ATP2B3: variants seen among roughly 807,000 people sequenced by gnomAD.
The protein encoded by ATP2B3 is plasma membrane calcium-transporting ATPase 3.
In ATP2B3, 12 loss-of-function variants were observed where a neutral mutation model predicts 70.8. The observed-to-expected ratio is 0.17, with a 90% CI of 0.11 to 0.27. The LOEUF is 0.27. Among genes scored for constraint, ATP2B3 ranks in the 10% least tolerant of loss-of-function variants. ATP2B3 has a pLI of 1.00. For synonymous variants in ATP2B3, 460 were observed against 497.8 expected (o/e 0.92, Z 1.01); for missense variants, 858 against 1,118.5 (o/e 0.77, Z 3.32).
At chrX:153,576,344 T>A (rs1557021375) in intron 21 of ATP2B3, among the ~76,000 whole-genome samples, 1 of 111,087 alleles carries the variant, frequency 9.0e-6, no homozygotes, top group East Asian at 2.9e-4. Context: ...ATGTGGAAGA[T>A]GCTTTTGAGT....
At chrX:153,545,942 G>A (rs1487210499) in intron 7 of ATP2B3, 146 bp from the exon 8 acceptor site, 11 of 563,780 alleles carry the variant, frequency 2.0e-5, no homozygotes, top group Non-Finnish European at 3.3e-5. Context: ...CCGTGTGCTG[G>A]GAGGTGGTGA....
chrX:153,562,395 A>G (rs1466052907), intron 20 of ATP2B3, among the ~76,000 whole-genome samples, 153 bp downstream of exon 20: 2 of 112,286 alleles, frequency 1.8e-5, no homozygotes, highest in Non-Finnish European at 3.8e-5. Context: ...ACCCAGGGAC[A>G]GGACGCAAGG....
intron 12 of ATP2B3, among the ~76,000 whole-genome samples, chrX:153,551,481 A>G (rs1171858558): frequency 1.8e-5 from 2 of 111,551 alleles, no homozygotes; most frequent in Admixed American, 1.9e-4. Context: ...CTTATCAGCT[A>G]TGCGATTTCT....
intron 21 of ATP2B3, 130 bp downstream of exon 21, chrX:153,565,233 G>C (rs1444047328): frequency 1.2e-6 from 1 of 855,401 alleles, no homozygotes; most frequent in African/African-American, 2.1e-5. Context: ...TTGCTGCCAA[G>C]GTCACAAAAG....
At chrX:153,527,111 G>C (rs146699752) in intron 2 of ATP2B3, among the ~76,000 whole-genome samples, 2 of 112,511 alleles carry the variant, frequency 1.8e-5, no homozygotes, top group Admixed American at 1.9e-4. Flanking sequence ...TTTAGGCCCC[G>C]ACGGCTTCCG....
rs142448542 is a variant in ATP2B3, at chrX:153,559,652, C to T, written c.2626-77C>T. 1,130 of 920,538 alleles carry T rather than the reference C, an allele frequency of 1.2e-3. 11 individuals are homozygous for T. In the African/African-American group the frequency reaches 0.018, roughly 15 times the overall value. 75.9% of individuals were successfully genotyped at this position (920,538 alleles called of 1,213,427 possible). ...GTGATGTGGACCCCATGAGGAGCCC[C>T]CAGGAGCTACTGGGTTTCCACCCCC... On this transcript the variant is annotated intron_variant, in intron 17 of 21. Coordinates refer to ENST00000263519, the MANE Select transcript of ATP2B3 (RefSeq NM_001001344.3).
At chrX:153,555,743 C>T (rs1397554417) in intron 13 of ATP2B3, among the ~76,000 whole-genome samples, 1 of 112,743 alleles carries the variant, frequency 8.9e-6, no homozygotes, top group Non-Finnish European at 1.9e-5. Flanking sequence ...AATTTTGTAA[C>T]TTGGTGCAAA....
At chrX:153,554,106 C>T (rs1314197159) in intron 13 of ATP2B3, among the ~76,000 whole-genome samples, 1 of 113,841 alleles carries the variant, frequency 8.8e-6, no homozygotes, top group Non-Finnish European at 1.9e-5. Context: ...GTCTAAACGC[C>T]AGCCATGGCT....
At chrX:153,534,322 C>T (rs1473246412) in intron 2 of ATP2B3, among the ~76,000 whole-genome samples, 1 of 112,214 alleles carries the variant, frequency 8.9e-6, no homozygotes, top group Non-Finnish European at 1.9e-5. Context: ...CCAAGCCAGC[C>T]TCAGTTTCCC....
At chrX:153,564,242 C>T (rs1455369498) in intron 20 of ATP2B3, among the ~76,000 whole-genome samples, 2 of 112,979 alleles carry the variant, frequency 1.8e-5, no homozygotes, top group African/African-American at 6.4e-5. Flanking sequence ...GCGCAAACAG[C>T]GCCTGTGTCT....
At chrX:153,532,581 C>A (rs781860921) in intron 2 of ATP2B3, among the ~76,000 whole-genome samples, 1 of 112,122 alleles carries the variant, frequency 8.9e-6, no homozygotes, top group African/African-American at 3.2e-5. Context: ...GCCAGGGACC[C>A]CCCTGGCTGT....
At chrX:153,564,137 A>T (rs1177021382) in intron 20 of ATP2B3, among the ~76,000 whole-genome samples, 2 of 112,176 alleles carry the variant, frequency 1.8e-5, no homozygotes, top group African/African-American at 6.5e-5. Flanking sequence ...CTAGCCCCCA[A>T]TGCACAGGTC....
At position 153,536,114 on chromosome X, in the gene ATP2B3, C is replaced by A; in HGVS notation, c.-126-8C>A. 1.5e-6 allele frequency: 1 copy of A among 676,687 alleles called. No homozygotes were observed. Among genetic ancestry groups the A allele is most frequent in the Non-Finnish European group, 2.3e-6 (1 of 432,394 alleles). 55.8% of individuals were successfully genotyped at this position (676,687 alleles called of 1,213,427 possible). A position where few individuals can be genotyped will look rare whatever the true frequency, so the allele number is the denominator to read the frequency against. On this transcript the variant is annotated splice_region_variant and splice_polypyrimidine_tract_variant and intron_variant, in intron 2 of 21. Transcript: ENST00000263519. Reference sequence around the variant, plus strand: ...TCCCCTGGCTTCTTCTCGCCTCCATCTCCCCAGGTGTCCACGCTTAGCAGC... The same window carrying A: ...TCCCCTGGCTTCTTCTCGCCTCCATATCCCCAGGTGTCCACGCTTAGCAGC...
At position 153,547,936 on chromosome X, in the gene ATP2B3, A is replaced by C. The variant is rs782541747; in HGVS notation, c.1060A>C (p.Lys354Gln). The change falls in exon 9 of 22, where the codon AAA (lysine) becomes CAA (glutamine). Residue 354 changes from lysine (K) to glutamine (Q), a missense_variant. Physicochemically the swap from Lys to Gln is moderately conservative, Grantham distance 53. Transcript: ENST00000263519. The part of the protein sequence containing the change: ...EREKKKANAP[K>Q]KEKSVLQGKL... ...GGAGAAGAAGAAAGCCAACGCACCC[A>C]AAAAGGAGAAGTCTGTCCTTCAGGG... The C allele has an allele frequency of 5.8e-6, 7 of 1,210,953 alleles. No homozygotes were observed. In the East Asian group the frequency reaches 2.1e-4, roughly 36 times the overall value.
At chrX:153,522,813 G>T (rs1035486988) in intron 2 of ATP2B3, among the ~76,000 whole-genome samples, 24 of 111,424 alleles carry the variant, frequency 2.2e-4, no homozygotes, top group African/African-American at 7.8e-4. Context: ...AACCAGATCC[G>T]GCCACCGCCT....
chrX:153,541,767 C>T lies in ATP2B3; in HGVS notation c.505C>T (p.Leu169=). ...CCTGCTGTCCGTCATCTGTGTGGTG[C>T]TGGTCACGGCCTTCAATGACTGGAG... The part of the protein sequence containing the change: ...AILLSVICVV[L]VTAFNDWSKE... Residue 169 remains leucine (L), a synonymous_variant, in exon 5 of 22, where the codon CTG becomes TTG. Coordinates refer to ENST00000263519, the MANE Select transcript of ATP2B3 (RefSeq NM_001001344.3). 5 of 1,211,722 alleles carry T rather than the reference C, an allele frequency of 4.1e-6. No individual in the cohort carries two copies. The highest frequency in any genetic ancestry group is 5.6e-6 in the Non-Finnish European group (5 of 895,568).
chrX:153,562,686 G>T (rs1052434125), intron 20 of ATP2B3, among the ~76,000 whole-genome samples: 1 of 112,324 alleles, frequency 8.9e-6, no homozygotes, highest in African/African-American at 3.2e-5. Flanking sequence ...AGCTGAAGCC[G>T]CACACTGGCA....
chrX:153,542,637 G>C (rs1264807404), intron 6 of ATP2B3, among the ~76,000 whole-genome samples, 189 bp downstream of exon 6: 2 of 113,054 alleles, frequency 1.8e-5, no homozygotes, highest in Non-Finnish European at 3.8e-5. Flanking sequence ...CAGCCACAGG[G>C]CGAGGAAGCT....
At chrX:153,556,604 G>A (rs782559262) in intron 15 of ATP2B3, among the ~76,000 whole-genome samples, 186 bp downstream of exon 15, 2 of 112,189 alleles carry the variant, frequency 1.8e-5, no homozygotes, top group Admixed American at 1.9e-4. Context: ...GAGGGCTAGT[G>A]ACTCACTCCA....
Sources: gnomAD v4.1 joint callset for allele counts (sites outside exome capture counted in the v4.1 genomes callset) on GRCh38, gnomAD v4.1.1 for gene constraint, MANE v1.5 for transcripts, NCBI Gene and HGNC (gene_info 2026-07-23, HGNC 2026-07-21) for gene names.